Variants in JDP2 observed in about 807,000 individuals in gnomAD.
JDP2 encodes the protein progesterone receptor co-activator.
JDP2 carries 9 observed loss-of-function variants against 17.1 expected under a neutral mutation model. That is an observed-to-expected ratio of 0.53 (90% CI 0.32 to 0.92). The LOEUF (loss-of-function observed/expected upper bound fraction) is 0.92. Ranked by LOEUF, JDP2 falls within the 40% of genes least tolerant of loss-of-function variation. The pLI is 0.04. For missense variants in JDP2, 179 were observed against 220.0 expected (o/e 0.81, Z 1.18); for synonymous variants, 107 against 95.6 (o/e 1.12, Z -0.69).
chr14:75,439,437 G>A (rs751656821), intron 2 of JDP2, among the ~76,000 whole-genome samples: 24 of 152,240 alleles, frequency 1.6e-4, no homozygotes, highest in Non-Finnish European at 2.8e-4. Flanking sequence ...TTCTGGCATG[G>A]TAATGGCTAA....
chr14:75,447,453 T>TA (rs1048572370), intron 2 of JDP2, among the ~76,000 whole-genome samples: 6 of 150,484 alleles, frequency 4.0e-5, no homozygotes, highest in Admixed American at 3.3e-4. Flanking sequence ...TATCTATTAT[T>TA]AAAAAAAGGC....
intron 1 of JDP2, chr14:75,432,304 T>G (rs1884843964): frequency 6.4e-7 from 1 of 1,551,408 alleles, no homozygotes; most frequent in Non-Finnish European, 8.7e-7. Context: ...AGAAGAGGCT[T>G]GGTGGTTGAT....
intron 3 of JDP2, 40 bp from the exon 4 acceptor site, chr14:75,469,250 C>A (rs770925510): frequency 6.3e-7 from 1 of 1,586,770 alleles, no homozygotes; most frequent in Non-Finnish European, 8.6e-7. Flanking sequence ...CAGAGCCAGT[C>A]CCCGTGAAAC....
At chr14:75,440,789 A>G (rs2140052326) in intron 2 of JDP2, among the ~76,000 whole-genome samples, 1 of 152,308 alleles carries the variant, frequency 6.6e-6, no homozygotes, top group East Asian at 1.9e-4. Context: ...CTCTTTGTGA[A>G]GTACCTTGTT....
At chr14:75,465,401 A>G (rs1458517136) in intron 3 of JDP2, among the ~76,000 whole-genome samples, 1 of 152,176 alleles carries the variant, frequency 6.6e-6, no homozygotes, top group Non-Finnish European at 1.5e-5. Context: ...GCATAGTCAT[A>G]GCTCACTGCA....
chr14:75,469,193 T>C, intron 3 of JDP2, 97 bp from the exon 4 acceptor site: 1 of 1,147,388 alleles, frequency 8.7e-7, no homozygotes, highest in South Asian at 1.5e-5. Context: ...AACAGGCCAG[T>C]GCCAGCCCAG....
intron 3 of JDP2, among the ~76,000 whole-genome samples, chr14:75,467,792 A>G (rs1886630741): frequency 6.6e-6 from 1 of 152,144 alleles, no homozygotes. Context: ...GGACCAGGCC[A>G]GCTTCCCAGT....
In JDP2 at chr14:75,435,510, C is replaced by T. The variant is rs142683266; in HGVS notation, c.-23-2388C>T. 5.1e-4 allele frequency among the ~76,000 whole-genome samples: 77 copies of T among 152,186 alleles called. No homozygotes were observed. The East Asian group carries it at 0.014, about 27-fold the overall frequency. ...AAGTCATTCCTTCTGCTGAAGGCGT[C>T]GTTACCTATTGGACCCCAGAAAGGG... On this transcript the variant is annotated intron_variant, in intron 1 of 3. Transcript: ENST00000651602.
intron 2 of JDP2, among the ~76,000 whole-genome samples, chr14:75,459,433 T>C (rs775491816): frequency 6.6e-6 from 1 of 152,108 alleles, no homozygotes; most frequent in South Asian, 2.1e-4. Context: ...TGCAGCTGAC[T>C]CCCAGGTGGG....
intron 2 of JDP2, among the ~76,000 whole-genome samples, chr14:75,442,327 A>T (rs1013914243): frequency 6.6e-6 from 1 of 152,326 alleles, no homozygotes; most frequent in Middle Eastern, 3.4e-3. Flanking sequence ...ACCCTTATAC[A>T]CAACAAGAGG....
At chr14:75,444,111 C>T (rs1207026696) in intron 2 of JDP2, among the ~76,000 whole-genome samples, 4 of 152,002 alleles carry the variant, frequency 2.6e-5, no homozygotes, top group Middle Eastern at 3.2e-3. Context: ...GCCATGTTGC[C>T]CAGGCTGTTT....
chr14:75,449,268 A>G (rs1174230780), intron 2 of JDP2, among the ~76,000 whole-genome samples: 2 of 152,278 alleles, frequency 1.3e-5, no homozygotes, highest in African/African-American at 4.8e-5. Context: ...AGGCTTTAAT[A>G]AGATGGAACT....
At chr14:75,437,342 A>G (rs1885115712) in intron 1 of JDP2, among the ~76,000 whole-genome samples, 1 of 152,216 alleles carries the variant, frequency 6.6e-6, no homozygotes. Context: ...GTGTCTTAAC[A>G]AATATGCAGA....
intron 1 of JDP2, among the ~76,000 whole-genome samples, chr14:75,429,824 A>G (rs900782302): frequency 2.6e-5 from 4 of 152,236 alleles, no homozygotes; most frequent in African/African-American, 7.2e-5. Flanking sequence ...GCTTTGGTTC[A>G]GAGCTGCAGG....
intron 1 of JDP2, among the ~76,000 whole-genome samples, chr14:75,434,868 T>C (rs1393053935): frequency 3.3e-5 from 5 of 151,986 alleles, no homozygotes; most frequent in Non-Finnish European, 1.5e-5. Context: ...TCTTACACCA[T>C]TTGCTGAATT....
chr14:75,436,145 G>C (rs1885053253), intron 1 of JDP2, among the ~76,000 whole-genome samples: 1 of 152,208 alleles, frequency 6.6e-6, no homozygotes, highest in Non-Finnish European at 1.5e-5. Context: ...ACCTTCAAAA[G>C]TGAAATGTAG....
intron 1 of JDP2, among the ~76,000 whole-genome samples, chr14:75,431,452 C>T (rs924053222): frequency 2.0e-5 from 3 of 152,214 alleles, no homozygotes; most frequent in African/African-American, 7.2e-5. Flanking sequence ...TCTTATGAAG[C>T]AGTGCAGGGA....
chr14:75,443,024 A>T (rs909222), intron 2 of JDP2, among the ~76,000 whole-genome samples: 2 of 151,782 alleles, frequency 1.3e-5, no homozygotes, highest in Non-Finnish European at 2.9e-5. Flanking sequence ...TCAGAGCTGG[A>T]GAGGAGACTT....
intron 3 of JDP2, among the ~76,000 whole-genome samples, chr14:75,462,531 G>A (rs578062493): frequency 1.4e-4 from 21 of 152,244 alleles, no homozygotes; most frequent in African/African-American, 5.1e-4. Context: ...AGGAAGTGTG[G>A]GGCTGAGTAA....
Sources: gnomAD v4.1 joint callset for allele counts (sites outside exome capture counted in the v4.1 genomes callset) on GRCh38, gnomAD v4.1.1 for gene constraint, MANE v1.5 for transcripts, NCBI Gene and HGNC (gene_info 2026-07-23, HGNC 2026-07-21) for gene names.